C12orf50: variants seen among roughly 807,000 people sequenced by gnomAD.
C12orf50 encodes zinc finger CCCH-type containing 11D, also known as uncharacterized protein C12orf50.
C12orf50 carries 35 observed loss-of-function variants against 61.6 expected under a neutral mutation model. That is an observed-to-expected ratio of 0.57 (90% confidence interval 0.43 to 0.75). The LOEUF (loss-of-function observed/expected upper bound fraction) is 0.75, where lower values mean the gene tolerates loss of function less well. C12orf50 is among the 30% of genes least tolerant of loss of function. The probability of loss-of-function intolerance (pLI) is 0.00; values close to 1 mark genes in which losing one functional copy is unlikely to be tolerated. For synonymous variants in C12orf50, 178 were observed against 161.5 expected (o/e 1.10, Z -0.77); for missense variants, 475 against 488.5 (o/e 0.97, Z 0.26).
At chr12:88,016,311 T>C (rs2032309148) in intron 3 of C12orf50, among the ~76,000 whole-genome samples, 1 of 152,192 alleles carries the variant, frequency 6.6e-6, no homozygotes, top group Admixed American at 6.5e-5. Context: ...ATCATATGCA[T>C]TTACCGACAC....
In C12orf50 at chr12:87,987,852, G is replaced by A. The variant is rs776363138; in HGVS notation, c.815C>T (p.Ser272Leu). 4 of 1,580,742 alleles carry A rather than the reference G, an allele frequency of 2.5e-6. No individual in the cohort carries two copies. The East Asian group carries it at 9.0e-5, about 36-fold the overall frequency. The change falls in exon 9 of 13, where the codon TCA becomes TTA. Residue 272 changes from serine (S) to leucine (L), a missense_variant and splice_region_variant. Physicochemically the swap from Ser to Leu is moderately radical, Grantham distance 145. Coordinates refer to ENST00000298699, the MANE Select transcript of C12orf50 (RefSeq NM_152589.3). ...ISMKCREDPS[S>L]MNDVQPVKKP... ...AAGTGATAGAGCTAATGTCTCACTT[G>A]AAGAGGGGTCCTCTCTGCACTTCAT...
At position 87,986,325 on chromosome 12, in the gene C12orf50, A is replaced by G. The variant is rs1453380956; in HGVS notation, c.909T>C (p.Ser303=). 1 of 1,600,314 alleles carries G rather than the reference A, an allele frequency of 6.2e-7. No individual in the cohort carries two copies. Among genetic ancestry groups the G allele is most frequent in the Admixed American group, 1.7e-5 (1 of 58,290 alleles). Residue 303 remains serine (S), a synonymous_variant, in exon 10 of 13, where the codon TCT becomes TCC. Coordinates refer to ENST00000298699, the MANE Select transcript of C12orf50 (RefSeq NM_152589.3). ...IYDEPQNFPN[S]GMQRAVQAPR... Reference sequence around the variant, plus strand: ...TAGACACCTTACCTCTCTGCATTCCAGAGTTAGGAAAGTTCTGTGGTTCAT... The same window carrying G: ...TAGACACCTTACCTCTCTGCATTCCGGAGTTAGGAAAGTTCTGTGGTTCAT...
intron 1 of C12orf50, chr12:88,028,008 G>C (rs929496134): frequency 6.6e-6 from 1 of 152,126 alleles, no homozygotes; most frequent in East Asian, 1.9e-4. Flanking sequence ...TTGTCACAAA[G>C]TTAATACTTA....
chr12:87,985,654 T>A (rs2030770585), intron 11 of C12orf50, 196 bp downstream of exon 11: 2 of 621,998 alleles, frequency 3.2e-6, no homozygotes, highest in East Asian at 5.6e-5. Context: ...GCACACAACA[T>A]GAGTTTTCTT....
chr12:88,024,305 T>C (rs758672780), intron 3 of C12orf50, among the ~76,000 whole-genome samples: 2 of 152,150 alleles, frequency 1.3e-5, no homozygotes, highest in Non-Finnish European at 1.5e-5. Flanking sequence ...TATAAATCAT[T>C]CTACCATAAA....
rs1354047028 is a variant in C12orf50 at position 87,987,856 on chromosome 12, A to AG, written c.810dup (p.Ser271LeufsTer5). ...GATAGAGCTAATGTCTCACTTGAAG[A>AG]GGGGTCCTCTCTGCACTTCATACTG... is the stretch of plus-strand genomic sequence containing the variant. On this transcript the variant is annotated frameshift_variant, in exon 9 of 13. Transcript: ENST00000298699. LOFTEE classifies it high-confidence loss of function. The AG allele has an allele frequency of 1.9e-6, 3 of 1,587,046 alleles. No homozygotes were observed. Among genetic ancestry groups the AG allele is most frequent in the Non-Finnish European group, 2.6e-6 (3 of 1,157,718 alleles).
At chr12:87,993,726 C>T (rs78759096) in intron 7 of C12orf50, among the ~76,000 whole-genome samples, 7,570 of 152,202 alleles carry the variant, frequency 0.05, 604 homozygotes, top group African/African-American at 0.17. Flanking sequence ...ATCAGCCACA[C>T]CTTTCAACCT....
intron 7 of C12orf50, among the ~76,000 whole-genome samples, chr12:87,992,364 GA>G (rs1780784409): frequency 6.6e-6 from 1 of 151,956 alleles, no homozygotes; most frequent in African/African-American, 2.4e-5. Context: ...GGAATAACAA[GA>G]ATCAATTGTG....
chr12:87,980,416 G>A, intron 12 of C12orf50, 60 bp from the exon 13 acceptor site: 1 of 1,408,624 alleles, frequency 7.1e-7, no homozygotes, highest in Non-Finnish European at 9.9e-7. Context: ...CTGATATTTT[G>A]TTCTTCTTTT....
rs748287428 is a variant in C12orf50 at position 87,996,691 on chromosome 12, T to C, written c.290-45A>G. 4.9e-6 allele frequency: 7 copies of C among 1,425,970 alleles called. No individual in the cohort carries two copies. In the African/African-American group the frequency reaches 1.0e-4, roughly 20 times the overall value. 88.3% of individuals were successfully genotyped at this position (1,425,970 alleles called of 1,614,324 possible). The stretch of plus-strand genomic sequence containing the variant: ...TAAATTAAATTGTCCCAAAGCCAAT[T>C]AATCTGAAAATTTATAAACCAGAAA... On this transcript the variant is annotated intron_variant, in intron 4 of 12. Transcript: ENST00000298699.
chr12:87,985,675 T>C (rs1226263105), intron 11 of C12orf50, 175 bp downstream of exon 11: 2 of 659,158 alleles, frequency 3.0e-6, no homozygotes, highest in Non-Finnish European at 5.3e-6. Flanking sequence ...CCATATCCTT[T>C]AAATCATGTG....
In C12orf50 at chr12:87,985,981, G is replaced by A; in HGVS notation, c.995C>T (p.Ala332Val). Reference protein sequence around the residue: ...RNNKNRNAENASYIHVQRDAV... With the variant: ...RNNKNRNAENVSYIHVQRDAV... ...ATCTCTTTGAACGTGGATATAGGAT[G>A]CATTCTCCGCATTTCGATTTTTATT... Residue 332 changes from alanine to valine, a missense_variant, in exon 11 of 13, where the codon GCA (alanine) becomes GTA (valine). By Grantham distance (64) the Ala-to-Val change is moderately conservative (BLOSUM62 0). Coordinates refer to ENST00000298699, the MANE Select transcript of C12orf50 (RefSeq NM_152589.3). 1 of 1,613,882 alleles carries A rather than the reference G, an allele frequency of 6.2e-7. No individual in the cohort carries two copies. The highest frequency in any genetic ancestry group is 8.5e-7 in the Non-Finnish European group (1 of 1,179,864).
intron 7 of C12orf50, among the ~76,000 whole-genome samples, chr12:87,990,201 A>G (rs1288406661): frequency 1.3e-5 from 2 of 152,186 alleles, no homozygotes; most frequent in Non-Finnish European, 2.9e-5. Context: ...TCATTGCTTG[A>G]AGTTACCCTG....
At chr12:87,984,757 A>G (rs750603421) in intron 11 of C12orf50, 1 of 152,168 alleles carries the variant, frequency 6.6e-6, no homozygotes, top group Non-Finnish European at 1.5e-5. Flanking sequence ...ATTTGCACTA[A>G]TGGTGCAAAA....
At chr12:87,998,222 C>T (rs752828076) in intron 3 of C12orf50, 32 bp from the exon 4 acceptor site, 1 of 1,577,102 alleles carries the variant, frequency 6.3e-7, no homozygotes, top group African/African-American at 1.4e-5. Context: ...TCAGTCTGTT[C>T]AAGATATATG....
chr12:87,983,208 A>T lies in C12orf50; in HGVS notation c.1127-13T>A, dbSNP rs919564871. 1.3e-6 allele frequency: 2 copies of T among 1,528,016 alleles called. No homozygotes were observed. The highest frequency in any genetic ancestry group is 2.3e-5 in the East Asian group (1 of 44,156). The allele number at this position is 1,528,016 out of a possible 1,614,324, so 94.7% of individuals were successfully genotyped here. ...GACGTATATTTGTCTGAGGGAAAAA[A>T]ATCCAGAATTAAATATTTTATAACT... is the stretch of plus-strand genomic sequence containing the variant. On this transcript the variant is annotated splice_polypyrimidine_tract_variant and intron_variant, in intron 11 of 12. Coordinates refer to ENST00000298699, the MANE Select transcript of C12orf50 (RefSeq NM_152589.3).
At chr12:88,002,559 T>G (rs1311610669) in intron 3 of C12orf50, among the ~76,000 whole-genome samples, 1 of 151,774 alleles carries the variant, frequency 6.6e-6, no homozygotes, top group Non-Finnish European at 1.5e-5. Flanking sequence ...TGGTATATAT[T>G]TTCCATTCTT....
At chr12:88,010,760 A>G (rs1195160478) in intron 3 of C12orf50, among the ~76,000 whole-genome samples, 8 of 151,940 alleles carry the variant, frequency 5.3e-5, no homozygotes, top group Admixed American at 5.2e-4. Context: ...AAGAGCACAT[A>G]TAGTTAACAG....
At chr12:87,985,163 C>T (rs546513124) in intron 11 of C12orf50, 3 of 151,930 alleles carry the variant, frequency 2.0e-5, no homozygotes, top group East Asian at 1.9e-4. Context: ...CTAACTAAAC[C>T]GTGAACTTAG....
Sources: gnomAD v4.1 joint callset for allele counts (sites outside exome capture counted in the v4.1 genomes callset) on GRCh38, gnomAD v4.1.1 for gene constraint, MANE v1.5 for transcripts, NCBI Gene and HGNC (gene_info 2026-07-23, HGNC 2026-07-21) for gene names.